Variants in SNAP47 observed in about 807,000 individuals in gnomAD.
SNAP47 encodes the protein synaptosomal-associated protein 47.
In SNAP47, 20 loss-of-function variants were observed where a neutral mutation model predicts 31.4. That is an observed-to-expected ratio of 0.64 (90% CI 0.45 to 0.93). The LOEUF is 0.93. Among genes scored for constraint, SNAP47 ranks in the 40% least tolerant of loss-of-function variants. SNAP47 has a pLI of 0.00. For missense variants in SNAP47, 492 were observed against 528.5 expected, an observed-to-expected ratio of 0.93 and a Z score of 0.68; for synonymous variants, 194 against 213.4, an observed-to-expected ratio of 0.91 and a Z score of 0.79.
intron 4 of SNAP47, chr1:227,770,524 T>G (rs41305134): frequency 6.5e-6 from 1 of 154,788 alleles, no homozygotes; most frequent in Non-Finnish European, 1.5e-5. Context: ...ATGAAACTAT[T>G]TTCAGAAGGT....
chr1:227,769,621 G>A (rs138673561), intron 4 of SNAP47, among the ~76,000 whole-genome samples: 1 of 152,122 alleles, frequency 6.6e-6, no homozygotes, highest in South Asian at 2.1e-4. Context: ...CTCAGGAGAG[G>A]GTGGCTGTGA....
chr1:227,735,712 ATGGGACCCGGAGAGAACGG>A lies in SNAP47; in HGVS notation c.-46+222_-46+240del, dbSNP rs1343595455. ...GGCGGTGCGGGGGCGCCCAGGGATGATGGGACCCGGAGAGAACGGTGGGACCCAGAGGGAGAGCTGGGGG... is the reference window on the plus strand; with the variant it reads ...GGCGGTGCGGGGGCGCCCAGGGATGATGGGACCCAGAGGGAGAGCTGGGGG... On this transcript the variant is annotated intron_variant, in intron 1 of 4. Transcript: ENST00000617596. 13 of 984,204 alleles carry A rather than the reference ATGGGACCCGGAGAGAACGG, an allele frequency of 1.3e-5. No homozygotes were observed. The East Asian group carries it at 1.3e-3, about 95-fold the overall frequency. The allele number at this position is 984,204 out of a possible 1,614,324, so 61.0% of individuals were successfully genotyped here.
intron 1 of SNAP47, chr1:227,747,186 A>G (rs975193361): frequency 1.3e-5 from 2 of 154,072 alleles, no homozygotes; most frequent in African/African-American, 4.8e-5. Flanking sequence ...TTCTCTATGC[A>G]ATGAAGTTGA....
At chr1:227,732,199 C>G, upstream of SNAP47, 1 of 639,648 alleles carries the variant, frequency 1.6e-6, no homozygotes, top group Non-Finnish European at 2.7e-6. Context: ...AGGGCCACAT[C>G]CCATCTTGGG....
rs569557575 is a variant in SNAP47, at chr1:227,762,338, G to T, written c.988+2853G>T. Reference sequence around the variant, plus strand: ...CCATGCAGGGGTTGGAGCGTGTGGTGCCCTGCCTGGTGCTATGTTAGCAAG... The same window carrying T: ...CCATGCAGGGGTTGGAGCGTGTGGTTCCCTGCCTGGTGCTATGTTAGCAAG... On this transcript the variant is annotated intron_variant, in intron 3 of 4. Coordinates refer to ENST00000617596, the MANE Select transcript of SNAP47 (RefSeq NM_053052.4). The surrounding 1 kb of genome is among the most constrained non-coding windows in gnomAD (Gnocchi z 4.2). Among the ~76,000 whole-genome samples the T allele has an allele frequency of 1.3e-5, 2 of 152,344 alleles. No individual in the cohort carries two copies. Among genetic ancestry groups the T allele is most frequent in the East Asian group, 3.9e-4 (2 of 5,176 alleles).
In SNAP47 at chr1:227,747,909, A is replaced by G. The variant is rs200793543; in HGVS notation, c.173A>G (p.Lys58Arg). The change falls in exon 2 of 5, where the codon AAG (lysine) becomes AGG (arginine). Residue 58 changes from lysine to arginine, a missense_variant. Coordinates refer to ENST00000617596, the MANE Select transcript of SNAP47 (RefSeq NM_053052.4). Reference sequence around the variant, plus strand: ...CTCTCCAGCATAGTTGAGATCAAGAAGGAGGCTTCACATTTTATCTTCAGC... The same window carrying G: ...CTCTCCAGCATAGTTGAGATCAAGAGGGAGGCTTCACATTTTATCTTCAGC... The part of the protein sequence containing the change: ...FPLSSIVEIK[K>R]EASHFIFSSI... 64 of 1,614,168 alleles carry G rather than the reference A, an allele frequency of 4.0e-5. No individual in the cohort carries two copies. The East Asian group carries it at 1.4e-3, about 36-fold the overall frequency.
At chr1:227,744,726 C>T (rs1436976184) in intron 1 of SNAP47, among the ~76,000 whole-genome samples, 1 of 152,158 alleles carries the variant, frequency 6.6e-6, no homozygotes. Context: ...CAGGTGGATT[C>T]AAGAAAACGG....
chr1:227,776,713 T>C (rs1331313569), intron 4 of SNAP47: 2 of 985,394 alleles, frequency 2.0e-6, no homozygotes, highest in East Asian at 1.1e-4. Context: ...TCCAGGACAC[T>C]AGCAGTTTGA....
chr1:227,761,685 T>C (rs189753233), intron 3 of SNAP47, among the ~76,000 whole-genome samples: 1 of 152,274 alleles, frequency 6.6e-6, no homozygotes, highest in Non-Finnish European at 1.5e-5. Context: ...TGACGTGCTG[T>C]GGACTGGTGG....
At chr1:227,768,132 A>G (rs900889516) in intron 4 of SNAP47, 1 of 238,676 alleles carries the variant, frequency 4.2e-6, no homozygotes. Context: ...CCTCAGCACC[A>G]TCCAGTATCC....
rs533060436 is a variant in SNAP47, at chr1:227,741,579, G to A, written c.-46+6080G>A. 6.6e-6 allele frequency among the ~76,000 whole-genome samples: 1 copy of A among 152,312 alleles called. No homozygotes were observed. The highest frequency in any genetic ancestry group is 2.4e-5 in the African/African-American group (1 of 41,570). ...TGCGTGGTCCTTCACGGAGAGTGCA[G>A]TGCCTGGCATGGGAGGGCCGGAGAG... On this transcript the variant is annotated intron_variant, in intron 1 of 4. Coordinates refer to ENST00000617596, the MANE Select transcript of SNAP47 (RefSeq NM_053052.4). This position sits in a 1 kb window ranked among gnomAD's most constrained non-coding sequence, Gnocchi z 4.2.
upstream of SNAP47, chr1:227,732,712 T>C (rs370026822): frequency 2.5e-6 from 4 of 1,606,332 alleles, no homozygotes; most frequent in African/African-American, 1.3e-5. Context: ...GCTAACACCA[T>C]GGACACAGTC....
intron 2 of SNAP47, among the ~76,000 whole-genome samples, chr1:227,751,562 C>T (rs899590120): frequency 6.6e-6 from 1 of 152,160 alleles, no homozygotes; most frequent in Non-Finnish European, 1.5e-5. Context: ...CCTTTGCCCA[C>T]GCCGGTCCCT....
At chr1:227,733,937 C>T (rs754427814), upstream of SNAP47, 8 of 1,613,886 alleles carry the variant, frequency 5.0e-6, no homozygotes, top group Middle Eastern at 1.6e-4. Flanking sequence ...GTAGACAAAG[C>T]GGTAGTCATC....
chr1:227,780,953 C>G lies in SNAP47; in HGVS notation c.*280C>G, dbSNP rs1394039171. On this transcript the variant is annotated 3_prime_UTR_variant, in exon 5 of 5. Coordinates refer to ENST00000617596, the MANE Select transcript of SNAP47 (RefSeq NM_053052.4). ...GGCGGGACCCCAAGGACACTTGGCACAGGCCTGGAAGAGGCCGCCCTCGTC... is the reference window on the plus strand; with the variant it reads ...GGCGGGACCCCAAGGACACTTGGCAGAGGCCTGGAAGAGGCCGCCCTCGTC... 2.1e-6 allele frequency: 1 copy of G among 470,696 alleles called. No homozygotes were observed. The highest frequency in any genetic ancestry group is 2.0e-5 in the African/African-American group (1 of 51,190). The allele number at this position is 470,696 out of a possible 1,614,324, so 29.2% of individuals were successfully genotyped here. A position where few individuals can be genotyped will look rare whatever the true frequency, so the allele number is the denominator to read the frequency against.
chr1:227,773,970 C>T (rs1325814385), intron 4 of SNAP47, among the ~76,000 whole-genome samples: 2 of 152,252 alleles, frequency 1.3e-5, no homozygotes, highest in South Asian at 2.1e-4. Context: ...CCTTCCATCA[C>T]CTGTTGGTTG....
chr1:227,733,150 T>C, upstream of SNAP47: 5 of 1,123,426 alleles, frequency 4.5e-6, no homozygotes, highest in Non-Finnish European at 6.3e-6. Context: ...GGCCCTCCTG[T>C]CTCCCAGCAG....
intron 4 of SNAP47, 57 bp from the exon 5 acceptor site, chr1:227,780,470 C>T: frequency 6.2e-7 from 1 of 1,604,512 alleles, no homozygotes. Context: ...GAGATGTTGT[C>T]TGTGCTAGAG....
chr1:227,762,056 C>T lies in SNAP47; in HGVS notation c.988+2571C>T, dbSNP rs150484145. Reference sequence around the variant, plus strand: ...GTGTGGGTTGTAGCCACAGCGAGCACCGTCTTTTCACTTGCACAGCTGCAC... The same window carrying T: ...GTGTGGGTTGTAGCCACAGCGAGCATCGTCTTTTCACTTGCACAGCTGCAC... On this transcript the variant is annotated intron_variant, in intron 3 of 4. Coordinates refer to ENST00000617596, the MANE Select transcript of SNAP47 (RefSeq NM_053052.4). The surrounding 1 kb of genome is among the most constrained non-coding windows in gnomAD (Gnocchi z 4.2). 6.6e-6 allele frequency among the ~76,000 whole-genome samples: 1 copy of T among 152,340 alleles called. No homozygotes were observed. Among genetic ancestry groups the T allele is most frequent in the East Asian group, 1.9e-4 (1 of 5,182 alleles).
Sources: gnomAD v4.1 joint callset for allele counts (sites outside exome capture counted in the v4.1 genomes callset) on GRCh38, gnomAD v4.1.1 for gene constraint, Gnocchi (gnomAD v3.1) non-coding constraint, MANE v1.5 for transcripts, NCBI Gene and HGNC (gene_info 2026-07-23, HGNC 2026-07-21) for gene names.